Variants in TOM1L2 observed in about 807,000 individuals in gnomAD.
TOM1L2 encodes the protein TOM1-like protein 2.
A neutral mutation model predicts 67.9 loss-of-function variants in TOM1L2; 31 were observed. That is an observed-to-expected ratio of 0.46 (90% CI 0.34 to 0.62). The LOEUF (loss-of-function observed/expected upper bound fraction) is 0.62. Among genes scored for constraint, TOM1L2 ranks in the 20% least tolerant of loss-of-function variants. TOM1L2 has a pLI of 0.01. For missense variants in TOM1L2, 606 were observed against 663.5 expected (o/e 0.91, Z 0.95); for synonymous variants, 256 against 254.0 (o/e 1.01, Z -0.07).
intron 2 of TOM1L2, among the ~76,000 whole-genome samples, chr17:17,902,969 G>A (rs1598300948): frequency 6.6e-6 from 1 of 152,110 alleles, no homozygotes; most frequent in Non-Finnish European, 1.5e-5. Flanking sequence ...CACAATAAGC[G>A]AGTGGTGACC....
rs372105318 is a variant in TOM1L2 at position 17,893,824 on chromosome 17, G to A, written c.217-14C>T. Reference sequence around the variant, plus strand: ...TGTCTCCAGCACCTGATGTGGGGAGGGAAGGAAAAGGGTCACCCCAGTGGG... The same window carrying A: ...TGTCTCCAGCACCTGATGTGGGGAGAGAAGGAAAAGGGTCACCCCAGTGGG... On this transcript the variant is annotated splice_polypyrimidine_tract_variant and intron_variant, in intron 3 of 14. Transcript: ENST00000379504. 2.9e-5 allele frequency: 47 copies of A among 1,611,926 alleles called. No individual in the cohort carries two copies. Among genetic ancestry groups the A allele is most frequent in the East Asian group, 1.6e-4 (7 of 44,864 alleles).
intron 2 of TOM1L2, among the ~76,000 whole-genome samples, chr17:17,903,469 T>C (rs8081654): frequency 1 from 151,560 of 151,618 alleles, 75,751 homozygotes; most frequent in Middle Eastern, 1. Flanking sequence ...AAAAATTAGC[T>C]GGGCGTGGTG....
intron 7 of TOM1L2, chr17:17,871,868 T>C: frequency 1.5e-6 from 1 of 686,138 alleles, no homozygotes; most frequent in Non-Finnish European, 1.8e-6. Context: ...CTTATAAACA[T>C]ACAGACAAGT....
intron 2 of TOM1L2, among the ~76,000 whole-genome samples, chr17:17,899,312 T>C (rs993063376): frequency 6.6e-6 from 1 of 152,218 alleles, no homozygotes; most frequent in Non-Finnish European, 1.5e-5. Context: ...TGGAACTCCT[T>C]TTCCCAGAGA....
intron 6 of TOM1L2, among the ~76,000 whole-genome samples, chr17:17,881,060 T>C (rs4925123): frequency 0.45 from 68,156 of 151,984 alleles, 17,691 homozygotes; most frequent in Non-Finnish European, 0.61. Flanking sequence ...TTTAGCTTCT[T>C]AGGGCAGGAA....
chr17:17,851,978 G>A (rs115345706), intron 12 of TOM1L2, among the ~76,000 whole-genome samples: 35 of 152,328 alleles, frequency 2.3e-4, no homozygotes, highest in African/African-American at 7.7e-4. Context: ...CTCCCTAGAA[G>A]CCATGTTAAT....
chr17:17,913,179 A>G (rs1405084679), intron 1 of TOM1L2, among the ~76,000 whole-genome samples: 2 of 85,504 alleles, frequency 2.3e-5, no homozygotes, highest in Admixed American at 2.9e-4. Context: ...AGACCGTGGA[A>G]ACAGAGGGAG....
chr17:17,886,339 C>T (rs970760393), intron 4 of TOM1L2, among the ~76,000 whole-genome samples: 2 of 152,254 alleles, frequency 1.3e-5, no homozygotes, highest in Non-Finnish European at 2.9e-5. Context: ...TGGATCAGGA[C>T]AGCCCCTCTT....
At chr17:17,884,591 T>C in intron 5 of TOM1L2, 43 bp downstream of exon 5, 1 of 1,612,306 alleles carries the variant, frequency 6.2e-7, no homozygotes, top group African/African-American at 1.3e-5. Context: ...GGCTCACCCG[T>C]TCTGCAGTAG....
chr17:17,877,465 C>T (rs2037480845), intron 7 of TOM1L2, among the ~76,000 whole-genome samples: 2 of 152,330 alleles, frequency 1.3e-5, no homozygotes, highest in African/African-American at 4.8e-5. Context: ...GATTCCAGCA[C>T]TTTCTAAGCA....
chr17:17,945,793 G>A lies in TOM1L2; in HGVS notation c.52+26469C>T, dbSNP rs954531116. 2.0e-5 allele frequency among the ~76,000 whole-genome samples: 3 copies of A among 151,984 alleles called. 1 individual carries two copies. In the South Asian group the frequency reaches 6.2e-4, roughly 31 times the overall value. ...AGAGAAAAAGTAATTATAGAAAACT[G>A]GAAGAAAAAAGAAGAAAAGCTAGTC... On this transcript the variant is annotated intron_variant, in intron 1 of 14. Transcript: ENST00000379504.
chr17:17,938,909 G>A (rs1009255073), intron 1 of TOM1L2, among the ~76,000 whole-genome samples: 3 of 151,958 alleles, frequency 2.0e-5, no homozygotes, highest in Non-Finnish European at 4.4e-5. Context: ...TCTATACACT[G>A]GGGTGGGGCC....
intron 1 of TOM1L2, among the ~76,000 whole-genome samples, chr17:17,912,487 A>G (rs1470499283): frequency 1.5e-5 from 2 of 137,930 alleles, no homozygotes; most frequent in Non-Finnish European, 3.1e-5. Flanking sequence ...CCGGGCAGAG[A>G]CACTCCTCAC....
chr17:17,957,965 C>G (rs150642526), intron 1 of TOM1L2, among the ~76,000 whole-genome samples: 569 of 152,028 alleles, frequency 3.7e-3, no homozygotes, highest in African/African-American at 0.013. Flanking sequence ...TGGTGGGCGC[C>G]TGTAGTCCTA....
In TOM1L2 at chr17:17,850,884, G is replaced by A. The variant is rs369129462; in HGVS notation, c.1338+9C>T. ...ACCCCACAGATGAAATAGAAAAGTC[G>A]AGTCTCACCAGGTCGGTCCTGAGCC... On this transcript the variant is annotated intron_variant, in intron 13 of 14. Transcript: ENST00000379504. 1.1e-5 allele frequency: 17 copies of A among 1,613,808 alleles called. No homozygotes were observed. The African/African-American group carries it at 1.1e-4, about 10-fold the overall frequency.
chr17:17,971,384 CTTATCA>C (rs1202867454), intron 1 of TOM1L2, among the ~76,000 whole-genome samples: 1 of 152,118 alleles, frequency 6.6e-6, no homozygotes. Context: ...GTCCAGGGCT[CTTATCA>C]TTAAATAACA....
At chr17:17,890,375 G>T (rs542899671) in intron 4 of TOM1L2, among the ~76,000 whole-genome samples, 1 of 152,132 alleles carries the variant, frequency 6.6e-6, no homozygotes, top group East Asian at 1.9e-4. Context: ...GGCCATTTTT[G>T]ACCAACAAAG....
At chr17:17,933,913 CA>C (rs1421727027) in intron 1 of TOM1L2, among the ~76,000 whole-genome samples, 1 of 151,996 alleles carries the variant, frequency 6.6e-6, no homozygotes, top group Non-Finnish European at 1.5e-5. Context: ...GACTTGGGCC[CA>C]AAACATGGCT....
At chr17:17,862,984 A>C in intron 10 of TOM1L2, 136 bp from the exon 11 acceptor site, 3 of 668,364 alleles carry the variant, frequency 4.5e-6, no homozygotes, top group Non-Finnish European at 7.9e-6. Flanking sequence ...TTTCCTTGGT[A>C]CTCCCAGTGC....
Sources: gnomAD v4.1 joint callset for allele counts (sites outside exome capture counted in the v4.1 genomes callset) on GRCh38, gnomAD v4.1.1 for gene constraint, MANE v1.5 for transcripts, NCBI Gene and HGNC (gene_info 2026-07-23, HGNC 2026-07-21) for gene names.